The following NECAB2 variants were observed in gnomAD, a reference collection of about 807,000 sequenced individuals.
The protein encoded by NECAB2 is N-terminal EF-hand calcium binding protein 2.
A neutral mutation model predicts 51.9 loss-of-function variants in NECAB2; 68 were observed. That is an observed-to-expected ratio of 1.31 (90% CI 1.08 to 1.60). The LOEUF is 1.60. Among genes scored for constraint, NECAB2 ranks in the 40% most tolerant of loss-of-function variants. The probability of loss-of-function intolerance (pLI) is 0.00; values close to 1 mark genes in which losing one functional copy is unlikely to be tolerated. For missense variants in NECAB2, 854 were observed against 490.3 expected, an observed-to-expected ratio of 1.74 and a Z score of -7.00; for synonymous variants, 329 against 203.5, an observed-to-expected ratio of 1.62 and a Z score of -5.25.
chr16:83,999,911 T>G lies in NECAB2; in HGVS notation c.963-813T>G, dbSNP rs112620282. Among the ~76,000 whole-genome samples the G allele has an allele frequency of 2.9e-3, 442 of 152,288 alleles. 1 individual carries two copies. The highest frequency in any genetic ancestry group is 9.6e-3 in the African/African-American group (398 of 41,536). ...TTAAAGGTTTTTTGAGACCAAATCT[T>G]GCTTTATTGTCCAGGCAGGAGTGAG... On this transcript the variant is annotated intron_variant, in intron 10 of 12. Transcript: ENST00000305202.
At chr16:83,992,149 A>T (rs762155534) in intron 6 of NECAB2, among the ~76,000 whole-genome samples, 2 of 152,186 alleles carry the variant, frequency 1.3e-5, no homozygotes, top group Non-Finnish European at 2.9e-5. Context: ...TGTTGAAGAC[A>T]GTAGTAGCAA....
intron 5 of NECAB2, among the ~76,000 whole-genome samples, chr16:83,982,836 T>A (rs1275309970): frequency 6.6e-6 from 1 of 152,112 alleles, no homozygotes; most frequent in Non-Finnish European, 1.5e-5. Flanking sequence ...GCATCCGTGA[T>A]TGGCATTTCC....
chr16:83,981,072 C>A lies in NECAB2; in HGVS notation c.404C>A (p.Ala135Asp). The A allele has an allele frequency of 6.2e-7, 1 of 1,614,170 alleles. No individual in the cohort carries two copies. Among genetic ancestry groups the A allele is most frequent in the Non-Finnish European group, 8.5e-7 (1 of 1,180,024 alleles). Residue 135 changes from alanine to aspartate, a missense_variant, in exon 5 of 13, where the codon GCC becomes GAC. By Grantham distance (126) the Ala-to-Asp change is moderately radical. Coordinates refer to ENST00000305202, the MANE Select transcript of NECAB2 (RefSeq NM_019065.3). ...ATGGGTGACTATGAGGATGTCCTGG[C>A]CTCCCTGGAGACCTTGAATCACTCT... is the stretch of plus-strand genomic sequence containing the variant. ...DHMGDYEDVL[A>D]SLETLNHSVL...
At chr16:83,978,290 T>C (rs946752317) in intron 2 of NECAB2, among the ~76,000 whole-genome samples, 154 bp from the exon 3 acceptor site, 2 of 152,120 alleles carry the variant, frequency 1.3e-5, no homozygotes, top group Non-Finnish European at 2.9e-5. Flanking sequence ...ATTTGTCTTT[T>C]AGTTTGGGGA....
chr16:83,998,971 T>C (rs28591551), intron 10 of NECAB2, among the ~76,000 whole-genome samples: 40,119 of 151,970 alleles, frequency 0.26, 10,341 homozygotes, highest in African/African-American at 0.67. Context: ...CTGGTAGTGG[T>C]CCCCCGCCCC....
intron 2 of NECAB2, among the ~76,000 whole-genome samples, chr16:83,973,071 A>G (rs2084366512): frequency 6.6e-6 from 1 of 152,180 alleles, no homozygotes; most frequent in Non-Finnish European, 1.5e-5. Flanking sequence ...GGTGTGGGTG[A>G]CAAATGTTTT....
chr16:83,996,326 G>T (rs2084698062), intron 8 of NECAB2, among the ~76,000 whole-genome samples: 1 of 152,148 alleles, frequency 6.6e-6, no homozygotes, highest in Admixed American at 6.5e-5. Flanking sequence ...CCCCCAGAAG[G>T]CAGTACCCTT....
chr16:83,976,627 G>A (rs1283765261), intron 2 of NECAB2, among the ~76,000 whole-genome samples: 1 of 152,166 alleles, frequency 6.6e-6, no homozygotes, highest in Non-Finnish European at 1.5e-5. Flanking sequence ...TGTGTGGTTG[G>A]ATTGGGGTTT....
chr16:83,995,071 G>C (rs1388149069), intron 8 of NECAB2, among the ~76,000 whole-genome samples: 1 of 152,232 alleles, frequency 6.6e-6, no homozygotes, highest in Admixed American at 6.5e-5. Context: ...GGATGAAAGA[G>C]AGACGTGATG....
rs150109542 is a variant in NECAB2 at position 83,998,855 on chromosome 16, A to C, written c.962+538A>C. 9.3e-4 allele frequency among the ~76,000 whole-genome samples: 142 copies of C among 152,238 alleles called. 2 individuals carry two copies. In the East Asian group the frequency reaches 0.023, roughly 24 times the overall value. On this transcript the variant is annotated intron_variant, in intron 10 of 12. Coordinates refer to ENST00000305202, the MANE Select transcript of NECAB2 (RefSeq NM_019065.3). ...GCGGGGCAAGCGGCCTTACCTTCAA[A>C]TTCCTGTTCATCCCACCAGGCTGAT...
At chr16:83,968,990 G>A (rs2151082704) in intron 1 of NECAB2, 141 bp downstream of exon 1, 1 of 388,824 alleles carries the variant, frequency 2.6e-6, no homozygotes, top group Non-Finnish European at 3.7e-6. Flanking sequence ...TCCGCGTGCC[G>A]GAGCGGGAGC....
chr16:83,997,394 T>G (rs1413004046), intron 9 of NECAB2, 125 bp downstream of exon 9: 2 of 1,245,482 alleles, frequency 1.6e-6, no homozygotes, highest in Non-Finnish European at 2.3e-6. Flanking sequence ...AGGGGAGATG[T>G]CGCCCAGCGC....
At chr16:83,994,719 C>G in intron 8 of NECAB2, 31 bp downstream of exon 8, 2 of 1,609,684 alleles carry the variant, frequency 1.2e-6, no homozygotes, top group Non-Finnish European at 1.7e-6. Context: ...GGCGTCTACT[C>G]CTTCCAACCC....
At chr16:83,991,550 A>G (rs1390304658) in intron 6 of NECAB2, among the ~76,000 whole-genome samples, 1 of 150,442 alleles carries the variant, frequency 6.6e-6, no homozygotes, top group African/African-American at 2.4e-5. Flanking sequence ...TATTTTTAGT[A>G]GAGATGGGGT....
chr16:83,967,179 C>G (rs1388180804), upstream of NECAB2, among the ~76,000 whole-genome samples: 1 of 152,096 alleles, frequency 6.6e-6, no homozygotes, highest in African/African-American at 2.4e-5. Flanking sequence ...TCCAGCAGTT[C>G]AGTTTTAATT....
At position 83,997,197 on chromosome 16, in the gene NECAB2, GT is replaced by G; in HGVS notation, c.796-18del. Reference sequence around the variant, plus strand: ...GTGGGGCTCTGGGTCTAGCATCACTGTGTGCTGGATTGTTTCAGGCACTGTG... The same window carrying G: ...GTGGGGCTCTGGGTCTAGCATCACTGGTGCTGGATTGTTTCAGGCACTGTG... On this transcript the variant is annotated intron_variant, in intron 8 of 12. Transcript: ENST00000305202. 1 of 1,614,060 alleles carries G rather than the reference GT, an allele frequency of 6.2e-7. No individual in the cohort carries two copies. The highest frequency in any genetic ancestry group is 8.5e-7 in the Non-Finnish European group (1 of 1,179,970).
intron 11 of NECAB2, among the ~76,000 whole-genome samples, chr16:84,001,432 A>G (rs4997520): frequency 0.23 from 34,268 of 151,942 alleles, 8,130 homozygotes; most frequent in African/African-American, 0.61. Flanking sequence ...GGCGGTCATG[A>G]GAAGTGAGAG....
At chr16:83,989,912 C>T (rs2084600730) in intron 5 of NECAB2, among the ~76,000 whole-genome samples, 1 of 152,196 alleles carries the variant, frequency 6.6e-6, no homozygotes, top group Non-Finnish European at 1.5e-5. Flanking sequence ...GATTACTAAG[C>T]CCCGGGCACT....
intron 5 of NECAB2, among the ~76,000 whole-genome samples, chr16:83,989,276 C>G (rs994647882): frequency 2.0e-5 from 3 of 152,178 alleles, no homozygotes; most frequent in Admixed American, 6.5e-5. Flanking sequence ...ATAGTTTTGG[C>G]CATGTACTCT....
Sources: gnomAD v4.1 joint callset for allele counts (sites outside exome capture counted in the v4.1 genomes callset) on GRCh38, gnomAD v4.1.1 for gene constraint, MANE v1.5 for transcripts, NCBI Gene and HGNC (gene_info 2026-07-23, HGNC 2026-07-21) for gene names.